Variants in FAT4 observed in about 807,000 individuals in gnomAD.
FAT4 encodes protocadherin Fat 4.
FAT4 carries 84 observed loss-of-function variants against 303.9 expected under a neutral mutation model. That is an observed-to-expected ratio of 0.28 (90% CI 0.23 to 0.33). FAT4 has a LOEUF of 0.33. FAT4 is among the 10% of genes least tolerant of loss of function. The pLI, the probability that FAT4 is intolerant of heterozygous loss-of-function variation, is 1.00. For synonymous variants in FAT4, 2,307 were observed against 2,298.8 expected (o/e 1.00, Z -0.10); for missense variants, 6,005 against 6,146.8 (o/e 0.98, Z 0.77).
At chr4:125,429,864 A>G (rs1725221940) in intron 7 of FAT4, among the ~76,000 whole-genome samples, 1 of 152,190 alleles carries the variant, frequency 6.6e-6, no homozygotes, top group African/African-American at 2.4e-5. Context: ...GGCAGCAGAA[A>G]GCTTTGGACG....
chr4:125,476,252 G>A lies in FAT4; in HGVS notation c.12295G>A (p.Asp4099Asn). 6.4e-7 allele frequency: 1 copy of A among 1,569,408 alleles called. No individual in the cohort carries two copies. The highest frequency in any genetic ancestry group is 8.7e-7 in the Non-Finnish European group (1 of 1,147,024). Residue 4099 changes from aspartate (D) to asparagine (N), a missense_variant, in exon 13 of 18, where the codon GAC (aspartate) becomes AAC (asparagine). Coordinates refer to ENST00000394329, the MANE Select transcript of FAT4 (RefSeq NM_001291303.3). ...CTVSNVAVSD[D>N]WTLDVQPNRV... ...TGTCAGTAATGTGGCAGTTTCAGAT[G>A]ACTGGTAAGGAATAGGATTAGTTTA...
At chr4:125,374,885 G>A (rs1318515549) in intron 2 of FAT4, among the ~76,000 whole-genome samples, 3 of 152,098 alleles carry the variant, frequency 2.0e-5, no homozygotes, top group Non-Finnish European at 4.4e-5. Context: ...ATGATAAAAA[G>A]AGCACATTTA....
intron 2 of FAT4, among the ~76,000 whole-genome samples, chr4:125,327,691 C>G (rs182611551): frequency 6.6e-6 from 1 of 152,192 alleles, no homozygotes; most frequent in Non-Finnish European, 1.5e-5. Flanking sequence ...AGACATAACT[C>G]ATCTTCCAAT....
rs1286379266 is a variant in FAT4 at position 125,446,498 on chromosome 4, C to T, written c.7405C>T (p.Gln2469Ter). Residue 2469 changes from glutamine (Q) to a stop codon, truncating the protein, a stop_gained, in exon 9 of 18, where the codon CAG (glutamine) becomes TAG (stop). Coordinates refer to ENST00000394329, the MANE Select transcript of FAT4 (RefSeq NM_001291303.3). LOFTEE classifies it high-confidence loss of function. The part of the protein sequence containing the change: ...TDVNDNPPRF[Q>*]HHPYVTHIPS... ...TGTCAATGACAATCCACCAAGATTT[C>T]AGCATCACCCATATGTCACTCACAT... 1.9e-6 allele frequency: 3 copies of T among 1,613,376 alleles called. No individual in the cohort carries two copies.
chr4:125,371,153 A>AG (rs1261359338), intron 2 of FAT4, among the ~76,000 whole-genome samples: 10 of 149,098 alleles, frequency 6.7e-5, no homozygotes, highest in Non-Finnish European at 1.5e-4. Context: ...CATCTCAAAA[A>AG]AAAAAAAAAA....
Position 125,319,783 on chromosome 4 carries a change from T to C in FAT4, c.3372T>C (p.Ala1124=). The C allele has an allele frequency of 6.2e-7, 1 of 1,614,230 alleles. No homozygotes were observed. The highest frequency in any genetic ancestry group is 1.6e-4 in the Middle Eastern group (1 of 6,062). The stretch of plus-strand genomic sequence containing the variant: ...GGTCGTTTGTGGGCAAAGTAAGTGC[T>C]GTAGATAAAGACTTTGGGCCAAATG... ...RAGSFVGKVS[A]VDKDFGPNGE... Residue 1124 remains alanine, a synonymous_variant, in exon 2 of 18, where the codon GCT becomes GCC. Coordinates refer to ENST00000394329, the MANE Select transcript of FAT4 (RefSeq NM_001291303.3).
At chr4:125,420,573 A>G (rs1735249716) in intron 7 of FAT4, among the ~76,000 whole-genome samples, 1 of 152,220 alleles carries the variant, frequency 6.6e-6, no homozygotes, top group African/African-American at 2.4e-5. Context: ...AAATTCCAGA[A>G]GTTTTTGCTA....
At chr4:125,339,796 A>G (rs1235304261) in intron 2 of FAT4, among the ~76,000 whole-genome samples, 1 of 152,180 alleles carries the variant, frequency 6.6e-6, no homozygotes, top group African/African-American at 2.4e-5. Context: ...ATCCTTAGCA[A>G]TAGCACATCC....
intron 12 of FAT4, among the ~76,000 whole-genome samples, chr4:125,470,468 T>A (rs1171592454): frequency 2.0e-5 from 3 of 152,182 alleles, no homozygotes; most frequent in Non-Finnish European, 2.9e-5. Flanking sequence ...ACATTGAAAG[T>A]CTGTTCTTTA....
chr4:125,393,251 A>G (rs1344805213), intron 2 of FAT4, among the ~76,000 whole-genome samples: 1 of 152,160 alleles, frequency 6.6e-6, no homozygotes, highest in Non-Finnish European at 1.5e-5. Flanking sequence ...AGCTGCAGAG[A>G]GGATATGCAT....
At chr4:125,382,228 A>C (rs1016483888) in intron 2 of FAT4, among the ~76,000 whole-genome samples, 2 of 152,162 alleles carry the variant, frequency 1.3e-5, no homozygotes, top group African/African-American at 4.8e-5. Context: ...CAAGTTTTCA[A>C]TTACTTTGCC....
At chr4:125,432,450 T>A (rs1427731025) in intron 7 of FAT4, among the ~76,000 whole-genome samples, 1 of 152,238 alleles carries the variant, frequency 6.6e-6, no homozygotes, top group Non-Finnish European at 1.5e-5. Flanking sequence ...TAAACAAATA[T>A]TTACTGTTAT....
rs549736344 is a variant in FAT4, at chr4:125,492,019, T to C, written c.*251T>C. 2 of 421,102 alleles carry C rather than the reference T, an allele frequency of 4.7e-6. No homozygotes were observed. Among genetic ancestry groups the C allele is most frequent in the African/African-American group, 4.0e-5 (2 of 49,780 alleles). The allele number at this position is 421,102 out of a possible 1,614,324, so 26.1% of individuals were successfully genotyped here. On this transcript the variant is annotated 3_prime_UTR_variant, in exon 18 of 18. Coordinates refer to ENST00000394329, the MANE Select transcript of FAT4 (RefSeq NM_001291303.3). ...TAACTAGTTATGTGGCATGCAGCATTTGGAAAATTTTTCTTATTTACCAGT... is the reference window on the plus strand; with the variant it reads ...TAACTAGTTATGTGGCATGCAGCATCTGGAAAATTTTTCTTATTTACCAGT...
chr4:125,352,699 T>C (rs1732273473), intron 2 of FAT4, among the ~76,000 whole-genome samples: 1 of 151,778 alleles, frequency 6.6e-6, no homozygotes. Flanking sequence ...TCCCCATATG[T>C]GCAATACTTT....
chr4:125,446,409 G>T lies in FAT4; in HGVS notation c.7316G>T (p.Cys2439Phe). 6.2e-7 allele frequency: 1 copy of T among 1,613,498 alleles called. No homozygotes were observed. The highest frequency in any genetic ancestry group is 8.5e-7 in the Non-Finnish European group (1 of 1,179,566). ...GATAATTATACTTTGGTAGTGGTCTGCAGTGATGCGGGATCCCCAGAGCCT... is the reference window on the plus strand; with the variant it reads ...GATAATTATACTTTGGTAGTGGTCTTCAGTGATGCGGGATCCCCAGAGCCT... Reference protein sequence around the residue: ...TKDNYTLVVVCSDAGSPEPLS... With the variant: ...TKDNYTLVVVFSDAGSPEPLS... The change falls in exon 9 of 18, where the codon TGC becomes TTC. Residue 2439 changes from cysteine to phenylalanine, a missense_variant. Coordinates refer to ENST00000394329, the MANE Select transcript of FAT4 (RefSeq NM_001291303.3).
chr4:125,491,172 C>A lies in FAT4; in HGVS notation c.14356C>A (p.Pro4786Thr). ...IGQIPLESSP[P>T]VGLSIEEVER... Reference sequence around the variant, plus strand: ...GCAGATTCCACTGGAATCTTCTCCTCCAGTCGGACTTTCTATTGAAGAAGT... The same window carrying A: ...GCAGATTCCACTGGAATCTTCTCCTACAGTCGGACTTTCTATTGAAGAAGT... The change falls in exon 18 of 18, where the codon CCA becomes ACA. Residue 4786 changes from proline (P) to threonine (T), a missense_variant. Pro to Thr is a conservative substitution (Grantham distance 38, BLOSUM62 -1). Coordinates refer to ENST00000394329, the MANE Select transcript of FAT4 (RefSeq NM_001291303.3). The A allele has an allele frequency of 1.2e-6, 2 of 1,614,100 alleles. No homozygotes were observed. Among genetic ancestry groups the A allele is most frequent in the Non-Finnish European group, 1.7e-6 (2 of 1,180,020 alleles).
chr4:125,411,106 A>T (rs895471510), intron 5 of FAT4, among the ~76,000 whole-genome samples: 7 of 152,046 alleles, frequency 4.6e-5, no homozygotes, highest in Non-Finnish European at 8.8e-5. Context: ...AATAAATCTC[A>T]ATCACTGATC....
chr4:125,364,051 C>T (rs1234327464), intron 2 of FAT4, among the ~76,000 whole-genome samples: 2 of 151,866 alleles, frequency 1.3e-5, no homozygotes, highest in African/African-American at 2.4e-5. Flanking sequence ...AACAGTTGTC[C>T]GTTGTTGATG....
intron 8 of FAT4, 163 bp from the exon 9 acceptor site, chr4:125,446,130 T>A: frequency 1.7e-6 from 1 of 585,344 alleles, no homozygotes; most frequent in Admixed American, 3.2e-5. Context: ...ACAGAAAATT[T>A]GAAATATTTA....
Sources: gnomAD v4.1 joint callset for allele counts (sites outside exome capture counted in the v4.1 genomes callset) on GRCh38, gnomAD v4.1.1 for gene constraint, MANE v1.5 for transcripts, NCBI Gene and HGNC (gene_info 2026-07-23, HGNC 2026-07-21) for gene names.